CNOT1: variants seen among roughly 807,000 people sequenced by gnomAD.
CNOT1 encodes the protein CCR4-NOT transcription complex subunit 1, also known as CCR4-associated factor 1.
In CNOT1, 15 loss-of-function variants were observed where a neutral mutation model predicts 273.8. The observed-to-expected ratio is 0.05, with a 90% CI of 0.04 to 0.08. CNOT1 has a LOEUF of 0.08. Among genes scored for constraint, CNOT1 ranks in the 10% least tolerant of loss-of-function variants. The probability of loss-of-function intolerance (pLI) is 1.00; values close to 1 mark genes in which losing one functional copy is unlikely to be tolerated. For missense variants in CNOT1, 1,644 were observed against 2,912.2 expected, an observed-to-expected ratio of 0.56 and a Z score of 10.02; for synonymous variants, 1,022 against 1,005.5, an observed-to-expected ratio of 1.02 and a Z score of -0.31.
intron 40 of CNOT1, 39 bp downstream of exon 40, chr16:58,534,108 T>C: frequency 6.6e-7 from 1 of 1,509,046 alleles, no homozygotes. Flanking sequence ...AACACCCCAC[T>C]GATGTAGACC....
chr16:58,619,240 T>C (rs536571357), intron 1 of CNOT1, among the ~76,000 whole-genome samples: 80 of 152,182 alleles, frequency 5.3e-4, no homozygotes, highest in African/African-American at 1.8e-3. Context: ...AGCTATTTTA[T>C]TTTAAAAAGA....
At chr16:58,601,562 C>A (rs1175863379) in intron 1 of CNOT1, among the ~76,000 whole-genome samples, 1 of 152,086 alleles carries the variant, frequency 6.6e-6, no homozygotes, top group African/African-American at 2.4e-5. Flanking sequence ...AAGATTAAAA[C>A]CCCTTTAAAA....
intron 22 of CNOT1, 36 bp from the exon 23 acceptor site, chr16:58,551,855 A>G: frequency 6.2e-7 from 1 of 1,609,186 alleles, no homozygotes; most frequent in Non-Finnish European, 8.5e-7. Flanking sequence ...AGTTAACCTT[A>G]ATTGCTAAGT....
intron 44 of CNOT1, among the ~76,000 whole-genome samples, chr16:58,526,965 A>G (rs528910599): frequency 1.3e-5 from 2 of 152,182 alleles, no homozygotes; most frequent in Non-Finnish European, 2.9e-5. Context: ...CAGGAGCCTG[A>G]GGCTGAAGTG....
intron 43 of CNOT1, among the ~76,000 whole-genome samples, chr16:58,529,996 C>A (rs1173733682): frequency 6.6e-6 from 1 of 152,096 alleles, no homozygotes; most frequent in African/African-American, 2.4e-5. Flanking sequence ...ACCAGTAACT[C>A]CTCCAAGCTG....
At chr16:58,606,712 G>A (rs1460668911) in intron 1 of CNOT1, among the ~76,000 whole-genome samples, 1 of 151,854 alleles carries the variant, frequency 6.6e-6, no homozygotes, top group Non-Finnish European at 1.5e-5. Context: ...CTGAGGCAGG[G>A]AGAATCGCTT....
chr16:58,619,777 C>T (rs940634946), intron 1 of CNOT1, among the ~76,000 whole-genome samples: 22 of 152,152 alleles, frequency 1.4e-4, no homozygotes, highest in African/African-American at 4.6e-4. Flanking sequence ...TGTTTCTAGT[C>T]GTCCAAAAAA....
chr16:58,589,035 A>C, intron 2 of CNOT1, 129 bp from the exon 3 acceptor site: 2 of 1,222,990 alleles, frequency 1.6e-6, no homozygotes, highest in Non-Finnish European at 2.2e-6. Context: ...TTTTGAATTA[A>C]AGTTAAAGGA....
chr16:58,584,252 CTTT>C (rs1454229377), intron 8 of CNOT1, among the ~76,000 whole-genome samples: 2 of 151,640 alleles, frequency 1.3e-5, no homozygotes, highest in African/African-American at 2.4e-5. Context: ...CTTCAATCTT[CTTT>C]AAGATTTTAA....
rs755152417 is a variant in CNOT1, at chr16:58,549,830, C to A, written c.3411G>T (p.Lys1137Asn). 6.2e-7 allele frequency: 1 copy of A among 1,613,962 alleles called. No individual in the cohort carries two copies. Among genetic ancestry groups the A allele is most frequent in the Non-Finnish European group, 8.5e-7 (1 of 1,180,002 alleles). ...GAAAGTTTGGCTCAATACTGACTCT[C>A]TTCATAACCAGATACTGTGAAACCC... is the stretch of plus-strand genomic sequence containing the variant. ...MPWVSQYLVM[K>N]RVSIEPNFHS... Residue 1137 changes from lysine (K) to asparagine (N), a missense_variant, in exon 25 of 49, where the codon AAG becomes AAT. Transcript: ENST00000317147.
chr16:58,530,169 A>T, intron 43 of CNOT1, 77 bp downstream of exon 43: 1 of 1,200,058 alleles, frequency 8.3e-7, no homozygotes, highest in Non-Finnish European at 1.2e-6. Context: ...TAAAAACAAA[A>T]TAAGGCCTCA....
At chr16:58,552,919 A>C (rs1010974877) in intron 22 of CNOT1, among the ~76,000 whole-genome samples, 25 of 152,210 alleles carry the variant, frequency 1.6e-4, no homozygotes, top group Admixed American at 9.8e-4. Context: ...ACAATCATAC[A>C]AAATGGTTTT....
At chr16:58,557,402 C>T (rs3743569) in intron 18 of CNOT1, among the ~76,000 whole-genome samples, 59,334 of 151,964 alleles carry the variant, frequency 0.39, 12,963 homozygotes, top group African/African-American at 0.59. Context: ...CTCTCAACTC[C>T]GACAAAAGGA....
Position 58,586,651 on chromosome 16 carries a change from T to A in CNOT1, c.531A>T (p.Ala177=). The change falls in exon 7 of 49, where the codon GCA becomes GCT. Residue 177 remains alanine, a synonymous_variant. Coordinates refer to ENST00000317147, the MANE Select transcript of CNOT1 (RefSeq NM_016284.5). ...GNQEGGFQDI[A]IEVLHLLLSH... ...AGAGGAGGAGGTGTAGGACCTCTAT[T>A]GCTATATCTTGGAAGCCACCTTCTT... 2 of 1,613,216 alleles carry A rather than the reference T, an allele frequency of 1.2e-6. No homozygotes were observed. Among genetic ancestry groups the A allele is most frequent in the South Asian group, 2.2e-5 (2 of 91,072 alleles).
chr16:58,626,406 CAAAAAAAAA>C (rs34556623), intron 1 of CNOT1, among the ~76,000 whole-genome samples: 6 of 60,960 alleles, frequency 9.8e-5, no homozygotes, highest in Non-Finnish European at 1.7e-4. Context: ...GACTGCGTCT[CAAAAAAAAA>C]AAAAAAAAAA....
At position 58,551,093 on chromosome 16, in the gene CNOT1, A is replaced by T. The variant is rs532159831; in HGVS notation, c.3342+39T>A. ...CTATACATCCTTTAGTCCATTAAGG[A>T]AAAAAGAAGGCATTTATAAACTATG... On this transcript the variant is annotated intron_variant, in intron 24 of 48. Transcript: ENST00000317147. The T allele has an allele frequency of 1.9e-6, 3 of 1,600,062 alleles. No homozygotes were observed. In the South Asian group the frequency reaches 3.4e-5, roughly 18 times the overall value.
chr16:58,570,073 G>T (rs1398825173), intron 16 of CNOT1, among the ~76,000 whole-genome samples: 2 of 152,208 alleles, frequency 1.3e-5, no homozygotes, highest in Non-Finnish European at 2.9e-5. Flanking sequence ...ACAGAAAGCA[G>T]TGGGGGAGCA....
chr16:58,602,360 C>T (rs1052516844), intron 1 of CNOT1, among the ~76,000 whole-genome samples: 7 of 151,886 alleles, frequency 4.6e-5, no homozygotes, highest in Non-Finnish European at 8.8e-5. Context: ...AGTGAGCCAC[C>T]GCATCTGGCC....
chr16:58,627,731 C>T (rs1046169981), intron 1 of CNOT1, among the ~76,000 whole-genome samples: 7 of 151,966 alleles, frequency 4.6e-5, no homozygotes, highest in Non-Finnish European at 8.8e-5. Context: ...TCTTTTCCAC[C>T]GTAATGCCAC....
Sources: gnomAD v4.1 joint callset for allele counts (sites outside exome capture counted in the v4.1 genomes callset) on GRCh38, gnomAD v4.1.1 for gene constraint, MANE v1.5 for transcripts, NCBI Gene and HGNC (gene_info 2026-07-23, HGNC 2026-07-21) for gene names.